GC: variants seen among roughly 807,000 people sequenced by gnomAD.
GC encodes vitamin D-binding protein.
GC carries 43 observed loss-of-function variants against 56.7 expected under a neutral mutation model. The observed-to-expected ratio is 0.76, with a 90% CI of 0.59 to 0.98. GC has a LOEUF of 0.98. GC is among the 50% of genes least tolerant of loss of function. The pLI is 0.00. For synonymous variants in GC, 216 were observed against 202.7 expected, an observed-to-expected ratio of 1.07 and a Z score of -0.56; for missense variants, 529 against 545.9, an observed-to-expected ratio of 0.97 and a Z score of 0.31.
intron 6 of GC, among the ~76,000 whole-genome samples, chr4:71,758,666 T>C (rs1741866462): frequency 1.3e-5 from 2 of 152,192 alleles, no homozygotes; most frequent in African/African-American, 2.4e-5. Flanking sequence ...TATACTATTC[T>C]CATATTTGCC....
chr4:71,755,007 C>A lies in GC; in HGVS notation c.1135G>T (p.Glu379Ter). ...LKSLGECCDV[E>*]DSTTCFNAKG... ...GCATTAAAACAGGTAGTTGAGTCTTCAACATCACAGCATTCACCAAGGCTT... is the reference window on the plus strand; with the variant it reads ...GCATTAAAACAGGTAGTTGAGTCTTAAACATCACAGCATTCACCAAGGCTT... Residue 379 changes from glutamate (E) to a stop codon, truncating the protein, a stop_gained, in exon 9 of 13, where the codon GAA (glutamate) becomes TAA (stop). Transcript: ENST00000273951. LOFTEE classifies it high-confidence loss of function. 6.3e-7 allele frequency: 1 copy of A among 1,594,380 alleles called. No individual in the cohort carries two copies. The highest frequency in any genetic ancestry group is 1.1e-5 in the South Asian group (1 of 88,174).
At chr4:71,760,850 C>T (rs749678103) in intron 6 of GC, among the ~76,000 whole-genome samples, 1 of 152,180 alleles carries the variant, frequency 6.6e-6, no homozygotes, top group Non-Finnish European at 1.5e-5. Context: ...TTTGCTCCTC[C>T]TTGCCTTCCA....
At position 71,763,516 on chromosome 4, in the gene GC, G is replaced by C. The variant is rs750591315; in HGVS notation, c.607-14C>G. ...AAGCTGGAGTCTCTAGAAAACAAGTGAAAGAATCTCATTATATGGTCAAGA... is the reference window on the plus strand; with the variant it reads ...AAGCTGGAGTCTCTAGAAAACAAGTCAAAGAATCTCATTATATGGTCAAGA... On this transcript the variant is annotated splice_polypyrimidine_tract_variant and intron_variant, in intron 5 of 12. Coordinates refer to ENST00000273951, the MANE Select transcript of GC (RefSeq NM_000583.4). The C allele has an allele frequency of 8.3e-6, 12 of 1,450,374 alleles. No individual in the cohort carries two copies. The African/African-American group carries it at 1.3e-4, about 15-fold the overall frequency. 89.8% of individuals were successfully genotyped at this position (1,450,374 alleles called of 1,614,324 possible).
At chr4:71,744,502 A>G (rs115655032) in intron 12 of GC, among the ~76,000 whole-genome samples, 352 of 150,844 alleles carry the variant, frequency 2.3e-3, no homozygotes, top group African/African-American at 8.2e-3. Context: ...ATTTGTTCTG[A>G]AAAGAAATCT....
chr4:71,797,129 G>T (rs555822631), intron 1 of GC, among the ~76,000 whole-genome samples: 1 of 152,332 alleles, frequency 6.6e-6, no homozygotes, highest in South Asian at 2.1e-4. Context: ...CTCCCAGTTA[G>T]GCTACACGGG....
intron 1 of GC, chr4:71,803,815 A>G (rs545481804): frequency 5.7e-6 from 4 of 704,468 alleles, no homozygotes; most frequent in Non-Finnish European, 1.0e-5. Flanking sequence ...TGCTTTGCAC[A>G]GAAATCCTCT....
In GC at chr4:71,765,591, T is replaced by A; in HGVS notation, c.314A>T (p.His105Leu). ...GGTGCAGCACTCAGCAGTGCCTGGG[T>A]GAACGGGGAATGGAGAATTACTTTC... ...SCESNSPFPV[H>L]PGTAECCTKE... Residue 105 changes from histidine to leucine, a missense_variant, in exon 4 of 13, where the codon CAC (histidine) becomes CTC (leucine). Coordinates refer to ENST00000273951, the MANE Select transcript of GC (RefSeq NM_000583.4). 6.2e-7 allele frequency: 1 copy of A among 1,613,616 alleles called. No individual in the cohort carries two copies. Among genetic ancestry groups the A allele is most frequent in the Admixed American group, 1.7e-5 (1 of 59,990 alleles).
rs774555115 is a variant in GC at position 71,765,480 on chromosome 4, T to A, written c.425A>T (p.Asp142Val). The A allele has an allele frequency of 1.3e-5, 21 of 1,614,012 alleles. No individual in the cohort carries two copies. Among genetic ancestry groups the A allele is most frequent in the Middle Eastern group, 3.3e-4 (2 of 6,010 alleles). Residue 142 changes from aspartate (D) to valine (V), a missense_variant, in exon 4 of 13, where the codon GAT (aspartate) becomes GTT (valine). By Grantham distance (152) the Asp-to-Val change is radical. Transcript: ENST00000273951. The part of the protein sequence containing the change: ...EFPTYVEPTN[D>V]EICEAFRKDP... Reference sequence around the variant, plus strand: ...TTTCCTGAACGCCTCACAGATTTCATCATTTGTGGGTTCCACGTAGGTAGG... The same window carrying A: ...TTTCCTGAACGCCTCACAGATTTCAACATTTGTGGGTTCCACGTAGGTAGG...
intron 12 of GC, among the ~76,000 whole-genome samples, chr4:71,742,532 G>A (rs1434709066): frequency 6.6e-6 from 1 of 152,158 alleles, no homozygotes; most frequent in Non-Finnish European, 1.5e-5. Flanking sequence ...AACTCTCTGT[G>A]CTGGGTGTGA....
At chr4:71,780,996 C>G (rs972692310) in intron 1 of GC, among the ~76,000 whole-genome samples, 1 of 152,084 alleles carries the variant, frequency 6.6e-6, no homozygotes, top group Non-Finnish European at 1.5e-5. Context: ...AAATGTCCAT[C>G]AATGATAGAC....
At chr4:71,784,183 G>A (rs1197126973), upstream of GC, 7 of 1,309,762 alleles carry the variant, frequency 5.3e-6, no homozygotes, top group Non-Finnish European at 6.9e-6. Context: ...ACAGAAGCAA[G>A]GGGCTGTTAT....
upstream of GC, among the ~76,000 whole-genome samples, chr4:71,787,104 C>T (rs1742858791): frequency 6.6e-6 from 1 of 151,872 alleles, no homozygotes; most frequent in Non-Finnish European, 1.5e-5. Context: ...CTTATTCTAG[C>T]TGAATTTGCA....
upstream of GC, chr4:71,784,177 A>AAGCAAGG (rs1742773911): frequency 7.6e-7 from 1 of 1,322,072 alleles, no homozygotes; most frequent in Non-Finnish European, 9.7e-7. Context: ...TTAAACACAG[A>AAGCAAGG]AGCAAGGGGC....
rs190659455 is a variant in GC, at chr4:71,801,091, G to A, written c.21+2835C>T. ...TATTTGCAAGTCATATATGATAAGC[G>A]CCTCATATCCAGAAGAGAGAACTCT... On this transcript the variant is annotated intron_variant, in intron 1 of 13. Transcript: ENST00000504199. Among the ~76,000 whole-genome samples, 168 of 152,142 alleles carry A rather than the reference G, an allele frequency of 1.1e-3. 1 individual carries two copies. In the East Asian group the frequency reaches 0.018, roughly 16 times the overall value.
At chr4:71,744,458 C>CAAAAA (rs35292398) in intron 12 of GC, among the ~76,000 whole-genome samples, 6 of 83,720 alleles carry the variant, frequency 7.2e-5, no homozygotes, top group Non-Finnish European at 1.0e-4. Flanking sequence ...GACTCCATCT[C>CAAAAA]AAAAAAAAAA....
intron 3 of GC, 131 bp downstream of exon 3, chr4:71,768,170 A>G: frequency 1.5e-6 from 1 of 658,958 alleles, no homozygotes; most frequent in Non-Finnish European, 2.5e-6. Context: ...TAAACACAAC[A>G]GGCTTCATAT....
chr4:71,802,346 C>T (rs1037077960), intron 1 of GC, among the ~76,000 whole-genome samples: 4 of 152,072 alleles, frequency 2.6e-5, no homozygotes, highest in African/African-American at 9.7e-5. Context: ...TATGCACATG[C>T]AAAACGAGAT....
intron 1 of GC, among the ~76,000 whole-genome samples, chr4:71,793,384 C>G (rs939128158): frequency 3.3e-5 from 5 of 152,116 alleles, no homozygotes; most frequent in African/African-American, 9.6e-5. Flanking sequence ...CATCCCTTGT[C>G]AGTTGTATTC....
chr4:71,791,520 C>T (rs181051140), intron 1 of GC, among the ~76,000 whole-genome samples: 9 of 152,086 alleles, frequency 5.9e-5, no homozygotes, highest in African/African-American at 1.7e-4. Context: ...TTGGAAAGAA[C>T]GTAAACCTCG....
Sources: gnomAD v4.1 joint callset for allele counts (sites outside exome capture counted in the v4.1 genomes callset) on GRCh38, gnomAD v4.1.1 for gene constraint, MANE v1.5 for transcripts, NCBI Gene and HGNC (gene_info 2026-07-23, HGNC 2026-07-21) for gene names.